Variants in LINGO2 observed in about 807,000 individuals in gnomAD.
The protein encoded by LINGO2 is leucine-rich repeat and immunoglobulin-like domain-containing nogo receptor-interacting protein 2.
LINGO2 carries 14 observed loss-of-function variants against 30.6 expected under a neutral mutation model. The observed-to-expected ratio is 0.46, with a 90% CI of 0.30 to 0.72. The LOEUF (loss-of-function observed/expected upper bound fraction) is 0.72, where lower values mean the gene tolerates loss of function less well. Ranked by LOEUF, LINGO2 falls within the 30% of genes least tolerant of loss-of-function variation. LINGO2 has a pLI of 0.07. For synonymous variants in LINGO2, 317 were observed against 288.5 expected, an observed-to-expected ratio of 1.10 and a Z score of -1.00; for missense variants, 729 against 751.7, an observed-to-expected ratio of 0.97 and a Z score of 0.35.
chr9:29,035,512 T>C, the LINGO2 span, among the ~76,000 whole-genome samples: 8 of 151,088 alleles, frequency 5.3e-5, no homozygotes, highest in African/African-American at 1.7e-4. Context: ...TCTTTGCAGG[T>C]AGAGATGGAA....
the LINGO2 span, among the ~76,000 whole-genome samples, chr9:28,857,522 C>A: frequency 6.6e-6 from 1 of 151,992 alleles, no homozygotes; most frequent in Non-Finnish European, 1.5e-5. Context: ...CAGTCTGATT[C>A]GAGAGCCCAT....
the LINGO2 span, among the ~76,000 whole-genome samples, chr9:28,687,749 AT>A: frequency 2.5e-3 from 386 of 151,688 alleles, 2 homozygotes; most frequent in African/African-American, 8.3e-3. Flanking sequence ...AATTATGGTG[AT>A]TTTTTTTTGT....
chr9:28,233,376 C>T (rs963220003), intron 4 of LINGO2, among the ~76,000 whole-genome samples: 5 of 151,912 alleles, frequency 3.3e-5, no homozygotes, highest in African/African-American at 9.7e-5. Context: ...TTGGCAGAAA[C>T]TTAAGTATAT....
intron 3 of LINGO2, among the ~76,000 whole-genome samples, chr9:28,301,531 G>C (rs1399299231): frequency 1.3e-5 from 2 of 152,144 alleles, no homozygotes; most frequent in Non-Finnish European, 2.9e-5. Flanking sequence ...AGTGAGACTG[G>C]AGATTCTGAA....
At chr9:28,086,617 A>T (rs1825922824) in intron 4 of LINGO2, among the ~76,000 whole-genome samples, 1 of 152,006 alleles carries the variant, frequency 6.6e-6, no homozygotes. Context: ...AAAAGCTCTG[A>T]ATTTATATAT....
At chr9:28,070,933 T>A (rs80211972) in intron 4 of LINGO2, among the ~76,000 whole-genome samples, 1 of 152,166 alleles carries the variant, frequency 6.6e-6, no homozygotes. Context: ...CAGGCTGGTA[T>A]CAAACTCCTG....
At chr9:27,999,927 TAAC>T (rs995132238) in intron 5 of LINGO2, among the ~76,000 whole-genome samples, 24 of 152,190 alleles carry the variant, frequency 1.6e-4, no homozygotes, top group African/African-American at 5.1e-4. Context: ...GGATTTTAAA[TAAC>T]AAATTCTCCT....
chr9:28,683,250 T>G, the LINGO2 span, among the ~76,000 whole-genome samples: 1 of 152,122 alleles, frequency 6.6e-6, no homozygotes, highest in Admixed American at 6.6e-5. Context: ...ATATAACCTT[T>G]CTCTTGGTTC....
the LINGO2 span, among the ~76,000 whole-genome samples, chr9:28,993,481 A>T: frequency 2.6e-5 from 4 of 152,174 alleles, no homozygotes; most frequent in East Asian, 1.9e-4. Flanking sequence ...ATTCCAATCA[A>T]TAGAAAAAGA....
At chr9:29,170,762 C>A in the LINGO2 span, among the ~76,000 whole-genome samples, 1 of 151,716 alleles carries the variant, frequency 6.6e-6, no homozygotes, top group Non-Finnish European at 1.5e-5. Context: ...AAAATAAACT[C>A]CATAGGGGAA....
the LINGO2 span, among the ~76,000 whole-genome samples, chr9:29,160,838 A>G: frequency 3.9e-5 from 6 of 152,342 alleles, no homozygotes; most frequent in South Asian, 8.3e-4. Context: ...CCAGGCCTGC[A>G]TGACTCAGTG....
At chr9:28,496,368 GGATA>G (rs1399969294) in intron 1 of LINGO2, among the ~76,000 whole-genome samples, 3 of 151,908 alleles carry the variant, frequency 2.0e-5, no homozygotes, top group Non-Finnish European at 4.4e-5. Flanking sequence ...TATATATTTA[GGATA>G]GTTAGCTCTT....
intron 4 of LINGO2, among the ~76,000 whole-genome samples, chr9:28,173,552 A>G (rs1349978532): frequency 2.0e-5 from 3 of 152,204 alleles, no homozygotes; most frequent in African/African-American, 4.8e-5. Context: ...GGAAAAGGAG[A>G]AAGTGCATCT....
chr9:28,770,067 C>T, the LINGO2 span, among the ~76,000 whole-genome samples: 1 of 152,032 alleles, frequency 6.6e-6, no homozygotes, highest in Non-Finnish European at 1.5e-5. Context: ...AGTTTTTCCC[C>T]TTTGACTTCA....
At chr9:28,768,055 G>A in the LINGO2 span, among the ~76,000 whole-genome samples, 2 of 152,078 alleles carry the variant, frequency 1.3e-5, no homozygotes, top group Non-Finnish European at 2.9e-5. Flanking sequence ...TATTTTAATT[G>A]TACCATATTA....
chr9:28,004,924 T>G (rs1822186139), intron 5 of LINGO2, among the ~76,000 whole-genome samples: 1 of 152,166 alleles, frequency 6.6e-6, no homozygotes, highest in African/African-American at 2.4e-5. Flanking sequence ...ATCGATATGA[T>G]TTTTAAAACC....
At chr9:28,383,525 G>A (rs1821444479) in intron 2 of LINGO2, among the ~76,000 whole-genome samples, 1 of 151,960 alleles carries the variant, frequency 6.6e-6, no homozygotes, top group Non-Finnish European at 1.5e-5. Context: ...AACTCCTCAG[G>A]GGATCTCTAT....
In LINGO2 at chr9:28,457,731, G is replaced by A. The variant is rs528334831; in HGVS notation, c.-279+18209C>T. 1.1e-3 allele frequency among the ~76,000 whole-genome samples: 164 copies of A among 152,154 alleles called. 1 individual carries two copies. The highest frequency in any genetic ancestry group is 2.5e-4 in the Non-Finnish European group (17 of 67,984). On this transcript the variant is annotated intron_variant, in intron 2 of 5. Coordinates refer to ENST00000379992, the Ensembl canonical transcript of LINGO2. ...TAGGTATGAGTCACTGTGCTGCATG[G>A]AAAGTTTTAATGTAAATACTAATTC...
intron 5 of LINGO2, among the ~76,000 whole-genome samples, chr9:27,951,863 A>T: frequency 6.6e-6 from 1 of 152,246 alleles, no homozygotes; most frequent in South Asian, 2.1e-4. Context: ...ATTTACATAT[A>T]TATCTATGTC....
Sources: gnomAD v4.1 joint callset for allele counts (sites outside exome capture counted in the v4.1 genomes callset) on GRCh38, gnomAD v4.1.1 for gene constraint, MANE v1.5 for transcripts, NCBI Gene and HGNC (gene_info 2026-07-23, HGNC 2026-07-21) for gene names.